CHN2: variants seen among roughly 807,000 people sequenced by gnomAD.
CHN2 encodes beta-chimaerin.
A neutral mutation model predicts 56.3 loss-of-function variants in CHN2; 35 were observed. That is an observed-to-expected ratio of 0.62 (90% CI 0.47 to 0.82). The LOEUF (loss-of-function observed/expected upper bound fraction) is 0.82, where lower values mean the gene tolerates loss of function less well. CHN2 is among the 40% of genes least tolerant of loss of function. The pLI, the probability that CHN2 is intolerant of heterozygous loss-of-function variation, is 0.00. For synonymous variants in CHN2, 210 were observed against 212.8 expected (o/e 0.99, Z 0.12); for missense variants, 491 against 580.5 (o/e 0.85, Z 1.58).
chr7:29,212,781 A>T, intron 1 of CHN2: 5 of 1,610,222 alleles, frequency 3.1e-6, no homozygotes, highest in Non-Finnish European at 4.2e-6. Context: ...TGGCCGAAGA[A>T]TAGCAATGGT....
At chr7:29,244,120 C>T (rs538250372) in intron 1 of CHN2, among the ~76,000 whole-genome samples, 32 of 152,214 alleles carry the variant, frequency 2.1e-4, no homozygotes, top group African/African-American at 7.7e-4. Context: ...CTCCCCACAC[C>T]CACTTTCCCC....
rs58730020 is a variant in CHN2 at position 29,354,940 on chromosome 7, TTTTATTTA to T, written c.88+305_88+312del. ...TCTGCCTTTCAGTTTGGGGCTTTAT[TTTTATTTA>T]TTTATTTATTTATTTATTTATTTAT... On this transcript the variant is annotated intron_variant, in intron 2 of 12. Coordinates refer to ENST00000222792, the MANE Select transcript of CHN2 (RefSeq NM_004067.4). 5.9e-4 allele frequency among the ~76,000 whole-genome samples: 84 copies of T among 142,038 alleles called. No homozygotes were observed. The South Asian group carries it at 0.011, about 19-fold the overall frequency. 93.2% of individuals were successfully genotyped at this position (142,038 alleles called of 152,430 possible). A position where few individuals can be genotyped will look rare whatever the true frequency, so the allele number is the denominator to read the frequency against.
At chr7:29,183,266 T>C (rs1276946766) in intron 2 of CHN2, among the ~76,000 whole-genome samples, 3 of 151,986 alleles carry the variant, frequency 2.0e-5, no homozygotes, top group African/African-American at 7.3e-5. Context: ...GTATTTTCAG[T>C]AGAGACAGGG....
At chr7:29,233,948 C>T (rs1776401470) in intron 1 of CHN2, among the ~76,000 whole-genome samples, 1 of 148,306 alleles carries the variant, frequency 6.7e-6, no homozygotes, top group African/African-American at 2.5e-5. Flanking sequence ...ATTCTCCTGC[C>T]TCAGCCTCCC....
chr7:29,427,230 C>A (rs1804957273), intron 6 of CHN2, among the ~76,000 whole-genome samples: 1 of 152,156 alleles, frequency 6.6e-6, no homozygotes, highest in South Asian at 2.1e-4. Flanking sequence ...GCACAAGAAT[C>A]TCTTCAACCT....
At chr7:29,351,841 A>C (rs1237874474) in intron 1 of CHN2, among the ~76,000 whole-genome samples, 1 of 152,186 alleles carries the variant, frequency 6.6e-6, no homozygotes, top group Non-Finnish European at 1.5e-5. Context: ...AATTTATTCC[A>C]TGTGCAGGGA....
intron 6 of CHN2, among the ~76,000 whole-genome samples, chr7:29,462,088 TTTTG>T (rs757703379): frequency 1.3e-5 from 2 of 152,232 alleles, no homozygotes; most frequent in Non-Finnish European, 2.9e-5. Flanking sequence ...TTCACACGCA[TTTTG>T]TTTGTGCAGG....
At chr7:29,209,368 G>A (rs245927) in intron 1 of CHN2, among the ~76,000 whole-genome samples, 96,728 of 151,988 alleles carry the variant, frequency 0.64, 33,651 homozygotes, top group East Asian at 0.96. Flanking sequence ...TTAGTTGAGA[G>A]CCAAGCAATT....
chr7:29,427,656 C>CTTTT (rs754677450), intron 6 of CHN2, among the ~76,000 whole-genome samples: 27 of 120,366 alleles, frequency 2.2e-4, no homozygotes, highest in African/African-American at 6.4e-4. Flanking sequence ...ATTTTTTATT[C>CTTTT]TTTTTTTTTT....
At chr7:29,412,341 TTTTTTTTG>T (rs1447245528) in intron 6 of CHN2, among the ~76,000 whole-genome samples, 17 of 95,902 alleles carry the variant, frequency 1.8e-4, no homozygotes, top group African/African-American at 7.3e-4. Context: ...TTTTTTTTTT[TTTTTTTTG>T]GGAGACGGAG....
intron 2 of CHN2, among the ~76,000 whole-genome samples, chr7:29,176,207 A>C (rs1797318672): frequency 6.6e-6 from 1 of 151,974 alleles, no homozygotes; most frequent in Non-Finnish European, 1.5e-5. Flanking sequence ...AACAGATAAA[A>C]GAAAAAAAAG....
intron 1 of CHN2, among the ~76,000 whole-genome samples, chr7:29,253,715 T>C (rs1196163486): frequency 6.6e-6 from 1 of 152,234 alleles, no homozygotes; most frequent in East Asian, 1.9e-4. Flanking sequence ...TATGTGAATT[T>C]AAATTCAGTT....
chr7:29,218,838 G>A (rs1756833515), intron 1 of CHN2, among the ~76,000 whole-genome samples: 1 of 150,438 alleles, frequency 6.6e-6, no homozygotes, highest in South Asian at 2.1e-4. Flanking sequence ...AGCATTAGGA[G>A]ATATACCTAA....
intron 3 of CHN2, among the ~76,000 whole-genome samples, chr7:29,383,985 T>C (rs1473349924): frequency 5.3e-5 from 8 of 152,314 alleles, no homozygotes; most frequent in Middle Eastern, 3.4e-3. Flanking sequence ...AGGAATTGCA[T>C]ACAATGAAGA....
At chr7:29,391,936 A>G (rs2391757) in intron 3 of CHN2, among the ~76,000 whole-genome samples, 133,604 of 152,240 alleles carry the variant, frequency 0.88, 58,977 homozygotes, top group Non-Finnish European at 0.93. Context: ...AAGAGTTAGT[A>G]GTATTACCAT....
At chr7:29,410,328 T>C (rs1319878280) in intron 6 of CHN2, among the ~76,000 whole-genome samples, 3 of 152,120 alleles carry the variant, frequency 2.0e-5, no homozygotes, top group African/African-American at 7.2e-5. Context: ...AGTAATTATA[T>C]GGTGGTTTTT....
intron 9 of CHN2, among the ~76,000 whole-genome samples, chr7:29,500,599 C>T (rs1040585838): frequency 1.3e-5 from 2 of 152,046 alleles, no homozygotes; most frequent in African/African-American, 4.8e-5. Flanking sequence ...TGTGGATGGC[C>T]GTGTTCAGGG....
chr7:29,239,990 T>G (rs1317659285), intron 1 of CHN2, among the ~76,000 whole-genome samples: 1 of 152,198 alleles, frequency 6.6e-6, no homozygotes, highest in Admixed American at 6.5e-5. Context: ...CTCAAACATT[T>G]TTTCAAGACC....
chr7:29,244,600 T>G (rs1328178261), intron 1 of CHN2, among the ~76,000 whole-genome samples: 1 of 152,132 alleles, frequency 6.6e-6, no homozygotes, highest in Admixed American at 6.5e-5. Context: ...CTGCCTTGGG[T>G]AAGGAAGAAG....
Sources: allele counts gnomAD v4.1 joint callset (sites outside exome capture counted in the v4.1 genomes callset), GRCh38; gene constraint gnomAD v4.1.1; transcripts MANE v1.5; gene names NCBI Gene and HGNC (gene_info 2026-07-23, HGNC 2026-07-21).